GLB1: variants seen among roughly 807,000 people sequenced by gnomAD.
GLB1 encodes the protein galactosidase beta 1, also known as beta-galactosidase.
In GLB1, 56 loss-of-function variants were observed where a neutral mutation model predicts 74.0. The observed-to-expected ratio is 0.76, with a 90% CI of 0.61 to 0.94. The LOEUF (loss-of-function observed/expected upper bound fraction) is 0.94. Ranked by LOEUF, GLB1 falls within the 40% of genes least tolerant of loss-of-function variation. The pLI is 0.00. For synonymous variants in GLB1, 323 were observed against 323.6 expected (o/e 1.00, Z 0.02); for missense variants, 787 against 845.5 (o/e 0.93, Z 0.86).
At chr3:32,966,649 G>C in the GLB1 span, among the ~76,000 whole-genome samples, 4 of 152,144 alleles carry the variant, frequency 2.6e-5, no homozygotes, top group Non-Finnish European at 5.9e-5. Flanking sequence ...TTTGGGAGGG[G>C]CTGGGGCAGA....
chr3:33,051,764 A>G lies in GLB1; in HGVS notation c.949T>C (p.Trp317Arg). The change falls in exon 9 of 16, where the codon TGG becomes CGG. Residue 317 changes from tryptophan to arginine, a missense_variant. Trp to Arg is a moderately radical substitution (Grantham distance 101, BLOSUM62 -3). Coordinates refer to ENST00000307363, the MANE Select transcript of GLB1 (RefSeq NM_000404.4). ...GATATTAAAGTGCTCTTACCATTCCAATAGGCAAAATTGGTCCCACCTATA... is the reference window on the plus strand; with the variant it reads ...GATATTAAAGTGCTCTTACCATTCCGATAGGCAAAATTGGTCCCACCTATA... ...MFIGGTNFAY[W>R]NGANSPYAAQ... 6.2e-7 allele frequency: 1 copy of G among 1,614,224 alleles called. No individual in the cohort carries two copies. The highest frequency in any genetic ancestry group is 8.5e-7 in the Non-Finnish European group (1 of 1,180,044).
chr3:33,060,300 C>T (rs923392254), intron 5 of GLB1, among the ~76,000 whole-genome samples: 3 of 152,202 alleles, frequency 2.0e-5, no homozygotes, highest in Non-Finnish European at 2.9e-5. Context: ...TGAAACCATC[C>T]TGGAAGAGGA....
the GLB1 span, among the ~76,000 whole-genome samples, chr3:32,971,250 A>G: frequency 6.6e-6 from 1 of 152,234 alleles, no homozygotes; most frequent in Non-Finnish European, 1.5e-5. Context: ...TTTGGTCTAT[A>G]GGACAGACAG....
In GLB1 at chr3:33,024,270, C is replaced by T; in HGVS notation, c.1124G>A (p.Gly375Glu). The T allele has an allele frequency of 6.2e-7, 1 of 1,613,022 alleles. No homozygotes were observed. Among genetic ancestry groups the T allele is most frequent in the African/African-American group, 1.3e-5 (1 of 75,004 alleles). Residue 375 changes from glycine (G) to glutamate (E), a missense_variant, in exon 11 of 16, where the codon GGA becomes GAA. Gly to Glu is a moderately conservative substitution (Grantham distance 98). Transcript: ENST00000307363. ...IPPSTPKFAY[G>E]KVTLEKLKTV... is the part of the protein sequence containing the mutation. The stretch of plus-strand genomic sequence containing the variant: ...TCTTACCTTTTCCAAAGTGACCTTT[C>T]CATATGCAAACTTTGGTGTAGATGG...
At chr3:32,985,484 G>A in the GLB1 span, among the ~76,000 whole-genome samples, 1 of 151,834 alleles carries the variant, frequency 6.6e-6, no homozygotes, top group Non-Finnish European at 1.5e-5. Flanking sequence ...TAGAGACAGG[G>A]TGTCACCATG....
intron 15 of GLB1, among the ~76,000 whole-genome samples, chr3:33,012,807 C>A (rs1304860214): frequency 6.6e-6 from 1 of 152,194 alleles, no homozygotes; most frequent in East Asian, 1.9e-4. Context: ...CCCTCCTGTC[C>A]AATCCATTGT....
At chr3:33,037,374 T>C (rs1057134843) in intron 10 of GLB1, among the ~76,000 whole-genome samples, 1 of 152,074 alleles carries the variant, frequency 6.6e-6, no homozygotes, top group African/African-American at 2.4e-5. Flanking sequence ...ACAAAAAACA[T>C]TGAATGGTGT....
intron 10 of GLB1, among the ~76,000 whole-genome samples, chr3:33,028,253 AG>A (rs1697855190): frequency 6.6e-6 from 1 of 152,146 alleles, no homozygotes; most frequent in South Asian, 2.1e-4. Flanking sequence ...CTGGTCTCTA[AG>A]TAATATATGT....
chr3:32,980,420 G>A, the GLB1 span, among the ~76,000 whole-genome samples: 1 of 152,158 alleles, frequency 6.6e-6, no homozygotes, highest in African/African-American at 2.4e-5. Context: ...CACATTTAAG[G>A]CTATAACTTT....
chr3:33,037,233 A>G (rs1698319452), intron 10 of GLB1, among the ~76,000 whole-genome samples: 3 of 151,906 alleles, frequency 2.0e-5, no homozygotes, highest in Admixed American at 2.0e-4. Flanking sequence ...TTTAGTGGAG[A>G]TGGGATTTCA....
At chr3:33,013,673 G>A (rs535032230) in intron 15 of GLB1, among the ~76,000 whole-genome samples, 3 of 152,286 alleles carry the variant, frequency 2.0e-5, no homozygotes, top group African/African-American at 4.8e-5. Context: ...GGGATATTCT[G>A]GGAGCACTGG....
At position 33,043,753 on chromosome 3, in the gene GLB1, A is replaced by G. The variant is rs1293975067; in HGVS notation, c.1068+2367T>C. On this transcript the variant is annotated intron_variant, in intron 10 of 15. Coordinates refer to ENST00000307363, the MANE Select transcript of GLB1 (RefSeq NM_000404.4). Reference sequence around the variant, plus strand: ...AAACAGAACAAAGGATATAAAAAGGATGAAATTACAGCATTGGGAAAGATA... The same window carrying G: ...AAACAGAACAAAGGATATAAAAAGGGTGAAATTACAGCATTGGGAAAGATA... Among the ~76,000 whole-genome samples, 27 of 35,464 alleles carry G rather than the reference A, an allele frequency of 7.6e-4. 1 individual carries two copies. The Admixed American group carries it at 0.01, about 13-fold the overall frequency. The allele number at this position is 35,464 out of a possible 152,430, so 23.3% of individuals were successfully genotyped here. A position where few individuals can be genotyped will look rare whatever the true frequency, so the allele number is the denominator to read the frequency against.
chr3:33,091,388 G>A (rs1469015261), intron 1 of GLB1: 1 of 985,498 alleles, frequency 1.0e-6, no homozygotes, highest in South Asian at 4.7e-5. Flanking sequence ...GGGAAGGAAG[G>A]CAAACCCCTA....
intron 10 of GLB1, among the ~76,000 whole-genome samples, chr3:33,044,353 A>G (rs1302425341): frequency 1.3e-5 from 2 of 152,174 alleles, no homozygotes; most frequent in African/African-American, 4.8e-5. Context: ...TTAGAAGCAA[A>G]CAGTAAGAAA....
At chr3:33,026,995 G>C (rs1327391088) in intron 10 of GLB1, among the ~76,000 whole-genome samples, 3 of 152,258 alleles carry the variant, frequency 2.0e-5, no homozygotes, top group African/African-American at 7.2e-5. Flanking sequence ...GAGGCTAAAA[G>C]AGCTGTAACA....
intron 6 of GLB1, among the ~76,000 whole-genome samples, chr3:33,053,966 T>C (rs572014511): frequency 1.4e-4 from 21 of 152,128 alleles, no homozygotes; most frequent in Middle Eastern, 3.4e-3. Context: ...TGAGCCGAGA[T>C]CGTGCCACTG....
intron 9 of GLB1, among the ~76,000 whole-genome samples, chr3:33,050,060 A>C (rs1236325725): frequency 1.3e-5 from 2 of 152,218 alleles, no homozygotes; most frequent in African/African-American, 2.4e-5. Flanking sequence ...AGAGAGAAAA[A>C]TGCAAATAAA....
At chr3:33,045,687 A>G in intron 10 of GLB1, 1 of 1,043,626 alleles carries the variant, frequency 9.6e-7, no homozygotes, top group South Asian at 3.5e-5. Context: ...AGGGGCTCCC[A>G]TATATCCATG....
chr3:33,073,342 C>G (rs1206418054), intron 1 of GLB1, among the ~76,000 whole-genome samples: 1 of 152,114 alleles, frequency 6.6e-6, no homozygotes. Context: ...TGGGCCATGA[C>G]CTGATTTGTG....
Sources: gnomAD v4.1 joint callset for allele counts (sites outside exome capture counted in the v4.1 genomes callset) on GRCh38, gnomAD v4.1.1 for gene constraint, MANE v1.5 for transcripts, NCBI Gene and HGNC (gene_info 2026-07-23, HGNC 2026-07-21) for gene names.